The following NEBL variants were observed in gnomAD, a reference collection of about 807,000 sequenced individuals.
NEBL encodes LIM and SH3 protein 2.
In NEBL, 122 loss-of-function variants were observed where a neutral mutation model predicts 140.2. The observed-to-expected ratio is 0.87, with a 90% CI of 0.75 to 1.01. The LOEUF (loss-of-function observed/expected upper bound fraction) is 1.01, where lower values mean the gene tolerates loss of function less well. Among genes scored for constraint, NEBL ranks in the 50% least tolerant of loss-of-function variants. The pLI is 0.00. For synonymous variants in NEBL, 436 were observed against 398.9 expected (o/e 1.09, Z -1.11); for missense variants, 1,365 against 1,231.3 (o/e 1.11, Z -1.62).
In NEBL at chr10:20,859,274, G is replaced by T. The variant is rs1300688639; in HGVS notation, c.798+439C>A. On this transcript the variant is annotated intron_variant, in intron 8 of 27. Transcript: ENST00000377122. ...AGTACTTCACAGCATTTTCACAAGG[G>T]ATAAAAAATAAATTGTGAGGCATTA... Among the ~76,000 whole-genome samples the T allele has an allele frequency of 4.0e-5, 6 of 151,802 alleles. No homozygotes were observed. In the South Asian group the frequency reaches 6.2e-4, roughly 16 times the overall value.
chr10:21,084,293 T>G lies in NEBL; in HGVS notation c.165-64092A>C, dbSNP rs1384546768. Reference sequence around the variant, plus strand: ...ATACATTGTTGCCTCATTCACAGATTGCTTTATGTCTGTATGGCTTGCCTC... The same window carrying G: ...ATACATTGTTGCCTCATTCACAGATGGCTTTATGTCTGTATGGCTTGCCTC... On this transcript the variant is annotated intron_variant, in intron 2 of 6. Transcript: ENST00000417816. Among the ~76,000 whole-genome samples, 14 of 152,260 alleles carry G rather than the reference T, an allele frequency of 9.2e-5. No homozygotes were observed. The East Asian group carries it at 2.7e-3, about 29-fold the overall frequency.
At chr10:21,015,972 A>G (rs1421148219) in intron 3 of NEBL, among the ~76,000 whole-genome samples, 1 of 152,264 alleles carries the variant, frequency 6.6e-6, no homozygotes, top group African/African-American at 2.4e-5. Context: ...TCCCAAGGCA[A>G]GCAGTAAAAG....
chr10:21,011,427 T>C (rs757188850), intron 3 of NEBL, among the ~76,000 whole-genome samples: 1 of 152,264 alleles, frequency 6.6e-6, no homozygotes, highest in African/African-American at 2.4e-5. Context: ...ATCGGTTGCA[T>C]TGAGTCCATT....
At chr10:20,989,911 T>C (rs1837394975) in intron 3 of NEBL, among the ~76,000 whole-genome samples, 1 of 152,206 alleles carries the variant, frequency 6.6e-6, no homozygotes, top group Non-Finnish European at 1.5e-5. Flanking sequence ...TACTCACCTC[T>C]AACTGAAATT....
intron 3 of NEBL, among the ~76,000 whole-genome samples, chr10:21,234,806 A>C (rs1329006977): frequency 6.6e-6 from 1 of 151,900 alleles, no homozygotes; most frequent in Admixed American, 6.6e-5. Flanking sequence ...ACTCAGCAGC[A>C]CTCTGCCCTG....
At chr10:20,938,293 T>C (rs903279253) in intron 4 of NEBL, among the ~76,000 whole-genome samples, 47 of 152,190 alleles carry the variant, frequency 3.1e-4, no homozygotes, top group African/African-American at 1.1e-3. Flanking sequence ...ATGTCTGCTG[T>C]TCTGCAGCCT....
intron 3 of NEBL, among the ~76,000 whole-genome samples, chr10:20,888,699 C>T (rs1846753563): frequency 6.6e-6 from 1 of 152,086 alleles, no homozygotes; most frequent in Non-Finnish European, 1.5e-5. Flanking sequence ...TGTCTTTAAG[C>T]CATCTCAGTC....
intron 2 of NEBL, among the ~76,000 whole-genome samples, chr10:21,168,542 A>C (rs537864169): frequency 1.3e-5 from 2 of 152,230 alleles, no homozygotes; most frequent in Admixed American, 1.3e-4. Context: ...TTTTAAAAAA[A>C]ACTGTAAAGA....
intron 1 of NEBL, among the ~76,000 whole-genome samples, chr10:21,277,161 A>G (rs1485107003): frequency 2.0e-5 from 3 of 151,484 alleles, no homozygotes; most frequent in Non-Finnish European, 4.4e-5. Context: ...ACGATTGCTC[A>G]TGCCTGCAGG....
chr10:21,240,106 C>G (rs1005327771), intron 3 of NEBL, among the ~76,000 whole-genome samples: 6 of 152,038 alleles, frequency 3.9e-5, no homozygotes, highest in Admixed American at 3.9e-4. Context: ...TGTAAACTAG[C>G]CTAACAACCT....
At chr10:20,819,172 AG>A (rs1167392784) in intron 20 of NEBL, 1 of 840,160 alleles carries the variant, frequency 1.2e-6, no homozygotes, top group African/African-American at 1.7e-5. Flanking sequence ...CCCGGCATTA[AG>A]CCCAGTACTC....
chr10:21,137,206 A>G (rs532057083), intron 2 of NEBL, among the ~76,000 whole-genome samples: 26 of 152,204 alleles, frequency 1.7e-4, no homozygotes, highest in Non-Finnish European at 3.7e-4. Flanking sequence ...AGATAATTAG[A>G]ATATTTGTCT....
At chr10:20,819,342 A>G in intron 20 of NEBL, 82 bp downstream of exon 20, 3 of 1,603,736 alleles carry the variant, frequency 1.9e-6, no homozygotes, top group Non-Finnish European at 2.6e-6. Context: ...TTTGCTAAGG[A>G]TAATGGCCTT....
At chr10:20,809,696 TCTCAGC>T in intron 25 of NEBL, 104 bp downstream of exon 25, 1 of 937,018 alleles carries the variant, frequency 1.1e-6, no homozygotes, top group Non-Finnish European at 1.7e-6. Context: ...TTTGCCAAAT[TCTCAGC>T]TTTAAAATTT....
intron 2 of NEBL, among the ~76,000 whole-genome samples, chr10:21,095,153 G>C (rs543556092): frequency 2.6e-5 from 4 of 152,272 alleles, no homozygotes; most frequent in African/African-American, 9.6e-5. Flanking sequence ...TAGAGGTGGG[G>C]CCCATGAATC....
At chr10:20,898,574 G>GA (rs1477899185), upstream of NEBL, among the ~76,000 whole-genome samples, 1 of 152,020 alleles carries the variant, frequency 6.6e-6, no homozygotes. Context: ...GATTCTGGGG[G>GA]AAAAAAGCAG....
At chr10:20,839,337 G>T (rs1262652547) in intron 13 of NEBL, among the ~76,000 whole-genome samples, 1 of 152,160 alleles carries the variant, frequency 6.6e-6, no homozygotes, top group South Asian at 2.1e-4. Flanking sequence ...AGAAGAATTT[G>T]CAGAAAATGA....
At chr10:21,081,962 T>C (rs1013220466) in intron 2 of NEBL, among the ~76,000 whole-genome samples, 1 of 152,102 alleles carries the variant, frequency 6.6e-6, no homozygotes, top group African/African-American at 2.4e-5. Context: ...TTTGATGAGG[T>C]CCAGGATACA....
At chr10:20,995,269 T>TA (rs1012595453) in intron 3 of NEBL, among the ~76,000 whole-genome samples, 66 of 152,076 alleles carry the variant, frequency 4.3e-4, no homozygotes, top group Admixed American at 1.9e-3. Flanking sequence ...GCAGACATCA[T>TA]AAAAAAATGA....
Sources: gnomAD v4.1 joint callset for allele counts (sites outside exome capture counted in the v4.1 genomes callset) on GRCh38, gnomAD v4.1.1 for gene constraint, MANE v1.5 for transcripts, NCBI Gene and HGNC (gene_info 2026-07-23, HGNC 2026-07-21) for gene names.